The following MAP2 variants were observed in gnomAD, a reference collection of about 807,000 sequenced individuals.
MAP2 encodes the protein microtubule associated protein 2, also known as microtubule-associated protein 2.
MAP2 carries 14 observed loss-of-function variants against 137.6 expected under a neutral mutation model. The observed-to-expected ratio is 0.10, with a 90% CI of 0.07 to 0.16. MAP2 has a LOEUF of 0.16. Among genes scored for constraint, MAP2 ranks in the 10% least tolerant of loss-of-function variants. MAP2 has a pLI of 1.00. For synonymous variants in MAP2, 786 were observed against 782.3 expected, an observed-to-expected ratio of 1.00 and a Z score of -0.08; for missense variants, 2,088 against 2,191.5, an observed-to-expected ratio of 0.95 and a Z score of 0.94.
chr2:209,597,500 A>G (rs1467291167), intron 3 of MAP2, among the ~76,000 whole-genome samples: 1 of 152,204 alleles, frequency 6.6e-6, no homozygotes, highest in Middle Eastern at 3.2e-3. Context: ...AATGACTGCA[A>G]CAGCTTCCTA....
At chr2:209,699,853 G>C (rs1026608602) in intron 10 of MAP2, among the ~76,000 whole-genome samples, 2 of 152,140 alleles carry the variant, frequency 1.3e-5, no homozygotes, top group African/African-American at 4.8e-5. Flanking sequence ...AACAAGAAGA[G>C]GGTTTGGAAA....
intron 2 of MAP2, among the ~76,000 whole-genome samples, chr2:209,526,302 TTAAA>T (rs2064038460): frequency 6.6e-6 from 1 of 152,004 alleles, no homozygotes; most frequent in Non-Finnish European, 1.5e-5. Flanking sequence ...AATTAAGAGT[TTAAA>T]TAGTAATAAT....
At chr2:209,429,295 C>G (rs1207634522) in intron 1 of MAP2, among the ~76,000 whole-genome samples, 1 of 151,998 alleles carries the variant, frequency 6.6e-6, no homozygotes, top group Non-Finnish European at 1.5e-5. Context: ...TACATGTATA[C>G]AACGAATTTT....
intron 2 of MAP2, among the ~76,000 whole-genome samples, chr2:209,542,853 A>G (rs1005785248): frequency 6.6e-6 from 1 of 152,250 alleles, no homozygotes; most frequent in African/African-American, 2.4e-5. Context: ...TTGGTCTTCT[A>G]TGCAGACCAC....
chr2:209,690,407 A>G (rs2058499128), intron 7 of MAP2, among the ~76,000 whole-genome samples: 1 of 152,158 alleles, frequency 6.6e-6, no homozygotes, highest in Non-Finnish European at 1.5e-5. Context: ...CAGATTATAC[A>G]TCATAGTTTT....
intron 2 of MAP2, among the ~76,000 whole-genome samples, chr2:209,525,522 T>C (rs915796720): frequency 8.5e-5 from 13 of 152,070 alleles, no homozygotes; most frequent in African/African-American, 3.1e-4. Context: ...CTGAAGAGGG[T>C]TCTGACAAAG....
At chr2:209,729,556 A>G (rs1239647408) in intron 14 of MAP2, among the ~76,000 whole-genome samples, 1 of 152,200 alleles carries the variant, frequency 6.6e-6, no homozygotes, top group African/African-American at 2.4e-5. Flanking sequence ...AGTTCTTGTT[A>G]TACCAAAAAG....
chr2:209,733,151 A>G lies in MAP2; in HGVS notation c.*2754A>G, dbSNP rs2075995809. On this transcript the variant is annotated 3_prime_UTR_variant, in exon 16 of 16. Coordinates refer to ENST00000682079, the MANE Select transcript of MAP2 (RefSeq NM_001375505.1). ...TTGAGAACCTGTATAAGAATACGTA[A>G]GTAATCCAGAGCTGTGAAGAGTTTA... The G allele has an allele frequency of 6.6e-6, 1 of 152,646 alleles. No individual in the cohort carries two copies. 9.5% of individuals were successfully genotyped at this position (152,646 alleles called of 1,614,324 possible).
chr2:209,717,451 A>T (rs2153791622), intron 13 of MAP2, among the ~76,000 whole-genome samples: 1 of 152,296 alleles, frequency 6.6e-6, no homozygotes, highest in East Asian at 1.9e-4. Flanking sequence ...CAGGGACACA[A>T]ATCCAAATCA....
intron 2 of MAP2, among the ~76,000 whole-genome samples, chr2:209,567,051 G>A (rs1012557391): frequency 6.6e-6 from 1 of 152,082 alleles, no homozygotes; most frequent in Non-Finnish European, 1.5e-5. Flanking sequence ...CTGGACATTT[G>A]ATTCACTTTT....
At chr2:209,538,535 C>CTT (rs1175515630) in intron 2 of MAP2, among the ~76,000 whole-genome samples, 19 of 125,324 alleles carry the variant, frequency 1.5e-4, no homozygotes, top group African/African-American at 2.7e-4. Flanking sequence ...CAGAAGAGTC[C>CTT]TTTTTTTTTT....
chr2:209,479,318 G>T (rs1708162906), intron 1 of MAP2, among the ~76,000 whole-genome samples: 1 of 152,050 alleles, frequency 6.6e-6, no homozygotes, highest in South Asian at 2.1e-4. Context: ...ATAGGAACCT[G>T]CTGAAATATT....
chr2:209,592,451 C>T (rs1008648741), intron 3 of MAP2, among the ~76,000 whole-genome samples: 3 of 152,034 alleles, frequency 2.0e-5, no homozygotes, highest in African/African-American at 7.2e-5. Context: ...ACTGGAGCTC[C>T]TTGTGAAAGG....
rs758743372 is a variant in MAP2, at chr2:209,693,743, T to A, written c.1573T>A (p.Ser525Thr). The change falls in exon 8 of 16, where the codon TCT becomes ACT. Residue 525 changes from serine to threonine, a missense_variant. Physicochemically the swap from Ser to Thr is moderately conservative, Grantham distance 58 (BLOSUM62 1). Transcript: ENST00000682079. ...KTLEKAMTEP[S>T]ALIEKSSIQE... ...ACTGGAGAAAGCCATGACCGAACCA[T>A]CTGCATTAATTGAAAAGAGCTCAAT... 5.0e-6 allele frequency: 8 copies of A among 1,613,580 alleles called. No homozygotes were observed. The highest frequency in any genetic ancestry group is 6.8e-6 in the Non-Finnish European group (8 of 1,179,896).
chr2:209,669,275 T>C (rs1159529254), intron 5 of MAP2, among the ~76,000 whole-genome samples: 3 of 152,096 alleles, frequency 2.0e-5, no homozygotes, highest in Admixed American at 6.6e-5. Context: ...TGTTGGTTTT[T>C]CCATGTGAAC....
rs150777274 is a variant in MAP2 at position 209,624,374 on chromosome 2, T to C, written c.-106-679T>C. ...ATGTATTGTGCGTCCTTTGTAGTCCTCTATAGATGAAGATAGTTACACCTG... is the reference window on the plus strand; with the variant it reads ...ATGTATTGTGCGTCCTTTGTAGTCCCCTATAGATGAAGATAGTTACACCTG... On this transcript the variant is annotated intron_variant, in intron 3 of 15. Coordinates refer to ENST00000682079, the MANE Select transcript of MAP2 (RefSeq NM_001375505.1). Among the ~76,000 whole-genome samples the C allele has an allele frequency of 1.5e-3, 225 of 152,324 alleles. 1 individual carries two copies. The highest frequency in any genetic ancestry group is 5.2e-3 in the African/African-American group (218 of 41,584).
At chr2:209,512,842 G>A (rs1404067173) in intron 2 of MAP2, among the ~76,000 whole-genome samples, 2 of 151,962 alleles carry the variant, frequency 1.3e-5, no homozygotes, top group African/African-American at 4.8e-5. Context: ...TACAGACAGG[G>A]TCTCTCTATG....
At chr2:209,466,283 A>G (rs973543652) in intron 1 of MAP2, among the ~76,000 whole-genome samples, 3 of 152,324 alleles carry the variant, frequency 2.0e-5, no homozygotes, top group Middle Eastern at 3.4e-3. Context: ...AAATAAATGT[A>G]TACACTTGCC....
At chr2:209,615,641 C>T (rs1054447793) in intron 3 of MAP2, among the ~76,000 whole-genome samples, 9 of 152,110 alleles carry the variant, frequency 5.9e-5, no homozygotes, top group Admixed American at 3.3e-4. Context: ...TTGAGAGTGG[C>T]AGGAGGCAGC....
Sources: gnomAD v4.1 joint callset for allele counts (sites outside exome capture counted in the v4.1 genomes callset) on GRCh38, gnomAD v4.1.1 for gene constraint, MANE v1.5 for transcripts, NCBI Gene and HGNC (gene_info 2026-07-23, HGNC 2026-07-21) for gene names.